QARS1: variants seen among roughly 807,000 people sequenced by gnomAD.
The protein encoded by QARS1 is glutamine--tRNA ligase.
A neutral mutation model predicts 106.9 loss-of-function variants in QARS1; 79 were observed. The ratio of observed to expected loss-of-function variants is 0.74; its 90% CI spans 0.62 to 0.89. QARS1 has a LOEUF of 0.89. Among genes scored for constraint, QARS1 ranks in the 40% least tolerant of loss-of-function variants. The pLI is 0.00. For synonymous variants in QARS1, 395 were observed against 367.7 expected (o/e 1.07, Z -0.85); for missense variants, 966 against 997.2 (o/e 0.97, Z 0.42).
rs1248339351 is a variant in QARS1 at position 49,103,396 on chromosome 3, A to G, written c.465T>C (p.Ala155=). The G allele has an allele frequency of 6.2e-7, 1 of 1,614,058 alleles. No individual in the cohort carries two copies. The highest frequency in any genetic ancestry group is 8.5e-7 in the Non-Finnish European group (1 of 1,180,050). Residue 155 remains alanine, a synonymous_variant, in exon 5 of 24, where the codon GCT becomes GCC. Coordinates refer to ENST00000306125, the MANE Select transcript of QARS1 (RefSeq NM_005051.3). The part of the protein sequence containing the change: ...NMGLLMGEAR[A]VLKWADGKMI... ...TTTTGCCATCTGCCCACTTCAGCAC[A>G]GCCCGAGCCTCTCCTAGAAGCATAG...
At position 49,099,819 on chromosome 3, in the gene QARS1, G is replaced by A; in HGVS notation, c.1330C>T (p.Leu444Phe). 2 of 1,614,038 alleles carry A rather than the reference G, an allele frequency of 1.2e-6. No homozygotes were observed. The highest frequency in any genetic ancestry group is 1.7e-6 in the Non-Finnish European group (2 of 1,180,014). ...IYPTYDYTHC[L>F]CDSIEHITHS... ...GTGATGTGCTCGATGGAGTCACAGA[G>A]GCAGTGTGTGTAGTCGTAGGTGGGA... The change falls in exon 15 of 24, where the codon CTC (leucine) becomes TTC (phenylalanine). Residue 444 changes from leucine to phenylalanine, a missense_variant. By Grantham distance (22) the Leu-to-Phe change is conservative. Coordinates refer to ENST00000306125, the MANE Select transcript of QARS1 (RefSeq NM_005051.3).
chr3:49,101,996 C>G (rs1398707226), intron 7 of QARS1, 97 bp from the exon 8 acceptor site: 2 of 1,391,362 alleles, frequency 1.4e-6, no homozygotes, highest in Non-Finnish European at 2.0e-6. Flanking sequence ...CCCTCAATTC[C>G]AGAGACAAGA....
chr3:49,103,423 C>A lies in QARS1; in HGVS notation c.452-14G>T. 6.2e-7 allele frequency: 1 copy of A among 1,614,120 alleles called. No homozygotes were observed. Among genetic ancestry groups the A allele is most frequent in the African/African-American group, 1.3e-5 (1 of 75,056 alleles). ...CCCGAGCCTCTCCTAGAAGCATAGG[C>A]ACAAGGAGCTGCAGAAAGGCAAAAA... On this transcript the variant is annotated splice_polypyrimidine_tract_variant and intron_variant, in intron 4 of 23. Transcript: ENST00000306125.
In QARS1 at chr3:49,104,735, G is replaced by C. The variant is rs573615449; in HGVS notation, c.-2C>G. The C allele has an allele frequency of 6.2e-7, 1 of 1,612,186 alleles. No individual in the cohort carries two copies. Among genetic ancestry groups the C allele is most frequent in the South Asian group, 1.1e-5 (1 of 91,068 alleles). Reference sequence around the variant, plus strand: ...CGACAGGGAGTCTAGAGCCGCCATTGCAGAGACACCGGAAACTAAAAGAAA... The same window carrying C: ...CGACAGGGAGTCTAGAGCCGCCATTCCAGAGACACCGGAAACTAAAAGAAA... On this transcript the variant is annotated 5_prime_UTR_variant, in exon 1 of 24. Coordinates refer to ENST00000306125, the MANE Select transcript of QARS1 (RefSeq NM_005051.3).
At position 49,104,397 on chromosome 3, in the gene QARS1, C is replaced by T. The variant is rs1559970857; in HGVS notation, c.192G>A (p.Arg64=). The stretch of plus-strand genomic sequence containing the variant: ...CAAGGAAGGAGAGACGCCGGGTATC[C>T]CTGAGTCGGGAGGCCAAGCCATATA... The part of the protein sequence containing the change: ...ILLYGLASRL[R]DTRRLSFLVS... The change falls in exon 2 of 24, where the codon AGG becomes AGA. Residue 64 remains arginine, a synonymous_variant. Coordinates refer to ENST00000306125, the MANE Select transcript of QARS1 (RefSeq NM_005051.3). 6.2e-7 allele frequency: 1 copy of T among 1,614,064 alleles called. No individual in the cohort carries two copies. Among genetic ancestry groups the T allele is most frequent in the Admixed American group, 1.7e-5 (1 of 60,002 alleles).
chr3:49,099,356 G>A lies in QARS1; in HGVS notation c.1602C>T (p.Asn534=). Residue 534 remains asparagine, a synonymous_variant, in exon 17 of 24, where the codon AAC becomes AAT. Transcript: ENST00000306125. ...RRGFPPEAIN[N]FCARVGVTVA... ...TGCTGGGCTATACCCGGGCACAGAA[G>A]TTGTTGATGGCCTCAGGTGGGAAGC... The A allele has an allele frequency of 1.9e-6, 3 of 1,614,210 alleles. No individual in the cohort carries two copies. Among genetic ancestry groups the A allele is most frequent in the Non-Finnish European group, 2.5e-6 (3 of 1,180,014 alleles).
chr3:49,102,427 T>G lies in QARS1; in HGVS notation c.562A>C (p.Lys188Gln), dbSNP rs757156057. The change falls in exon 6 of 24, where the codon AAG becomes CAG. Residue 188 changes from lysine (K) to glutamine (Q), a missense_variant. Physicochemically the swap from Lys to Gln is moderately conservative, Grantham distance 53. Transcript: ENST00000306125. ...GCCATGCCCATCCCTACCTTGAACT[T>G]CTTCTCCAGATCAGCCTCCAACTTG... ...GPKLEADLEK[K>Q]FKVAKARLEE... is the part of the protein sequence containing the mutation. 6.2e-7 allele frequency: 1 copy of G among 1,614,096 alleles called. No homozygotes were observed. The highest frequency in any genetic ancestry group is 1.1e-5 in the South Asian group (1 of 91,048).
intron 4 of QARS1, 44 bp downstream of exon 4, chr3:49,103,587 A>G (rs768808510): frequency 6.3e-7 from 1 of 1,598,962 alleles, no homozygotes; most frequent in Admixed American, 1.7e-5. Flanking sequence ...AAGAAAAGGC[A>G]TGACCAGAGA....
Position 49,099,965 on chromosome 3 carries a change from T to C in QARS1, c.1291A>G (p.Lys431Glu). 1.2e-6 allele frequency: 2 copies of C among 1,614,184 alleles called. No individual in the cohort carries two copies. The highest frequency in any genetic ancestry group is 1.7e-6 in the Non-Finnish European group (2 of 1,180,024). Reference sequence around the variant, plus strand: ...CCCACCCCATTCTACACCCACCATTTGTCCCCTGTGCGGTGGTGTGGTGTA... The same window carrying C: ...CCCACCCCATTCTACACCCACCATTCGTCCCCTGTGCGGTGGTGTGGTGTA... ...KYTPHHRTGD[K>E]WCIYPTYDYT... is the part of the protein sequence containing the mutation. The change falls in exon 14 of 24, where the codon AAA becomes GAA. Residue 431 changes from lysine (K) to glutamate (E), a missense_variant. Lys to Glu is a moderately conservative substitution (Grantham distance 56). Transcript: ENST00000306125.
chr3:49,103,028 G>A (rs914320049), intron 5 of QARS1, among the ~76,000 whole-genome samples: 1 of 151,732 alleles, frequency 6.6e-6, no homozygotes, highest in Non-Finnish European at 1.5e-5. Flanking sequence ...TGCAATCAGA[G>A]CTTACTGCAG....
At chr3:49,096,482 G>A (rs2042392317) in intron 23 of QARS1, among the ~76,000 whole-genome samples, 1 of 151,830 alleles carries the variant, frequency 6.6e-6, no homozygotes, top group Non-Finnish European at 1.5e-5. Context: ...TGGCCAACAT[G>A]GCAAAACCCC....
At chr3:49,097,884 C>T in intron 23 of QARS1, 108 bp downstream of exon 23, 6 of 1,457,704 alleles carry the variant, frequency 4.1e-6, no homozygotes, top group Non-Finnish European at 5.6e-6. Flanking sequence ...ATACCAACTC[C>T]CTCAGGTGGT....
intron 23 of QARS1, among the ~76,000 whole-genome samples, chr3:49,097,500 TAA>T (rs909564672): frequency 3.0e-5 from 4 of 131,616 alleles, no homozygotes; most frequent in African/African-American, 1.1e-4. Context: ...AAATAATAAT[TAA>T]AAAAAAAAAA....
At chr3:49,099,917 G>T in intron 14 of QARS1, 44 bp downstream of exon 14, 1 of 1,613,968 alleles carries the variant, frequency 6.2e-7, no homozygotes, top group Non-Finnish European at 8.5e-7. Context: ...ATGGCCCATC[G>T]CCCTGCTCGG....
rs1288819052 is a variant in QARS1, at chr3:49,102,399, A to G, written c.570+20T>C. 1 of 1,613,958 alleles carries G rather than the reference A, an allele frequency of 6.2e-7. No individual in the cohort carries two copies. Among genetic ancestry groups the G allele is most frequent in the Admixed American group, 1.7e-5 (1 of 60,010 alleles). On this transcript the variant is annotated intron_variant, in intron 6 of 23. Coordinates refer to ENST00000306125, the MANE Select transcript of QARS1 (RefSeq NM_005051.3). ...TACCTCACCTCACCCTCAGGGACTC[A>G]GGGCCATGCCCATCCCTACCTTGAA...
intron 13 of QARS1, 40 bp downstream of exon 13, chr3:49,100,150 C>G (rs758529358): frequency 3.1e-6 from 5 of 1,614,236 alleles, no homozygotes; most frequent in Admixed American, 1.7e-5. Context: ...TTCTCAGCAC[C>G]TTGGCCCACC....
At position 49,104,412 on chromosome 3, in the gene QARS1, C is replaced by T. The variant is rs748629167; in HGVS notation, c.177G>A (p.Leu59=). The T allele has an allele frequency of 5.0e-6, 8 of 1,614,182 alleles. 1 individual carries two copies. The highest frequency in any genetic ancestry group is 1.1e-5 in the South Asian group (1 of 91,090). The change falls in exon 2 of 24, where the codon TTG becomes TTA. Residue 59 remains leucine, a synonymous_variant. Coordinates refer to ENST00000306125, the MANE Select transcript of QARS1 (RefSeq NM_005051.3). ...DKATGILLYG[L]ASRLRDTRRL... is the part of the protein sequence containing the mutation. Reference sequence around the variant, plus strand: ...GCCGGGTATCCCTGAGTCGGGAGGCCAAGCCATATAACAGGATCCCGGTAG... The same window carrying T: ...GCCGGGTATCCCTGAGTCGGGAGGCTAAGCCATATAACAGGATCCCGGTAG...
At position 49,098,043 on chromosome 3, in the gene QARS1, C is replaced by T; in HGVS notation, c.2226G>A (p.Gln742=). Reference sequence around the variant, plus strand: ...CGGAGAAATATCCAAGACGCTCAAACTGGAACTTGTCGAAGGGTTTTGCCA... The same window carrying T: ...CGGAGAAATATCCAAGACGCTCAAATTGGAACTTGTCGAAGGGTTTTGCCA... The part of the protein sequence containing the change: ...VALAKPFDKF[Q]FERLGYFSVD... Residue 742 remains glutamine, a synonymous_variant, in exon 23 of 24, where the codon CAG becomes CAA. Transcript: ENST00000306125. 3 of 1,614,192 alleles carry T rather than the reference C, an allele frequency of 1.9e-6. No homozygotes were observed. Among genetic ancestry groups the T allele is most frequent in the Non-Finnish European group, 2.5e-6 (3 of 1,180,036 alleles).
intron 4 of QARS1, 76 bp from the exon 5 acceptor site, chr3:49,103,485 C>G: frequency 6.3e-7 from 1 of 1,593,484 alleles, no homozygotes; most frequent in Non-Finnish European, 8.6e-7. Context: ...AGGAAAGGTC[C>G]TGGCTGACCA....
Sources: gnomAD v4.1 joint callset for allele counts (sites outside exome capture counted in the v4.1 genomes callset) on GRCh38, gnomAD v4.1.1 for gene constraint, MANE v1.5 for transcripts, NCBI Gene and HGNC (gene_info 2026-07-23, HGNC 2026-07-21) for gene names.